Variants in NOL4L observed in about 807,000 individuals in gnomAD.
NOL4L encodes nucleolar protein 4 like, also known as nucleolar protein 4-like.
NOL4L carries 7 observed loss-of-function variants against 64.5 expected under a neutral mutation model. The observed-to-expected ratio is 0.11, with a 90% CI of 0.06 to 0.20. The LOEUF is 0.20. NOL4L is among the 10% of genes least tolerant of loss of function. NOL4L has a pLI of 1.00. For synonymous variants in NOL4L, 413 were observed against 401.0 expected (o/e 1.03, Z -0.36); for missense variants, 680 against 967.1 (o/e 0.70, Z 3.94).
chr20:32,577,102 A>G (rs1980167148), intron 1 of NOL4L, among the ~76,000 whole-genome samples: 1 of 152,222 alleles, frequency 6.6e-6, no homozygotes, highest in Admixed American at 6.5e-5. Context: ...TCTACTTCAC[A>G]GAACCCAGGG....
intron 1 of NOL4L, among the ~76,000 whole-genome samples, chr20:32,560,882 G>C (rs568798099): frequency 1.3e-5 from 2 of 152,234 alleles, no homozygotes; most frequent in Non-Finnish European, 2.9e-5. Context: ...AGCCAGCATC[G>C]GCCACAAGAA....
chr20:32,539,341 C>T (rs2018613536), intron 1 of NOL4L, among the ~76,000 whole-genome samples: 1 of 152,186 alleles, frequency 6.6e-6, no homozygotes, highest in African/African-American at 2.4e-5. Flanking sequence ...CAGCCACTTC[C>T]CTTCCCTGGA....
intron 1 of NOL4L, among the ~76,000 whole-genome samples, chr20:32,562,488 G>C (rs945921977): frequency 2.6e-5 from 4 of 152,132 alleles, no homozygotes; most frequent in Non-Finnish European, 5.9e-5. Flanking sequence ...TGCACAGGCT[G>C]TCTCCTCTAC....
At chr20:32,473,589 A>C (rs1175590760) in intron 5 of NOL4L, among the ~76,000 whole-genome samples, 3 of 152,196 alleles carry the variant, frequency 2.0e-5, no homozygotes, top group African/African-American at 7.2e-5. Flanking sequence ...ACAAAGCCGG[A>C]TTCAGGCCTT....
At chr20:32,578,155 G>GGAGT (rs1980244925) in intron 1 of NOL4L, among the ~76,000 whole-genome samples, 3 of 130,092 alleles carry the variant, frequency 2.3e-5, no homozygotes, top group African/African-American at 9.3e-5. Flanking sequence ...AGGGAGGGAG[G>GGAGT]GAGGGAGGGA....
chr20:32,581,341 G>A (rs1205792529), intron 1 of NOL4L, among the ~76,000 whole-genome samples: 1 of 152,012 alleles, frequency 6.6e-6, no homozygotes, highest in Non-Finnish European at 1.5e-5. Context: ...TCTCTGCCCT[G>A]GGCCCGTCCG....
At chr20:32,584,133 GCACACACACACACACACACACACACA>G (rs745461984) in intron 1 of NOL4L, among the ~76,000 whole-genome samples, 1 of 88,800 alleles carries the variant, frequency 1.1e-5, no homozygotes, top group African/African-American at 5.2e-5. Context: ...CTCCGCGCGC[GCACACACACACACACACACACACACA>G]CACACACACA....
Position 32,456,334 on chromosome 20 carries a change from C to G in NOL4L, c.903G>C (p.Ser301=), listed in dbSNP as rs376418117. The G allele has an allele frequency of 5.1e-5, 79 of 1,546,566 alleles. No individual in the cohort carries two copies. The highest frequency in any genetic ancestry group is 6.5e-5 in the Non-Finnish European group (74 of 1,142,930). ...AGGCAGGGTCGCCCTGCGTGCTGCT[C>G]GACGTGGATGGGTTCAGGGTGGAGG... The part of the protein sequence containing the change: ...NGSSTLNPST[S]SSTQGDPAFP... The change falls in exon 6 of 11, where the codon TCG becomes TCC. Residue 301 remains serine, a synonymous_variant. Transcript: ENST00000621426.
rs1192736555 is a variant in NOL4L at position 32,522,115 on chromosome 20, G to A, written c.478-1193C>T. ...GGGCTGGGGAGTGGAGTTGTGGGGG[G>A]ATGCAGAAGGCTTGGGGTGTCCCAG... is the stretch of plus-strand genomic sequence containing the variant. On this transcript the variant is annotated intron_variant, in intron 2 of 10. Coordinates refer to ENST00000621426, the MANE Select transcript of NOL4L (RefSeq NM_001256798.2). 2.0e-5 allele frequency among the ~76,000 whole-genome samples: 3 copies of A among 152,352 alleles called. No individual in the cohort carries two copies. The East Asian group carries it at 5.8e-4, about 29-fold the overall frequency.
intron 4 of NOL4L, among the ~76,000 whole-genome samples, chr20:32,488,304 G>T (rs373951930): frequency 6.6e-6 from 1 of 152,046 alleles, no homozygotes; most frequent in Non-Finnish European, 1.5e-5. Context: ...GACCCTCACC[G>T]CCCAGTTTCA....
intron 4 of NOL4L, among the ~76,000 whole-genome samples, chr20:32,487,163 G>A (rs1357900762): frequency 6.6e-6 from 1 of 152,162 alleles, no homozygotes; most frequent in Non-Finnish European, 1.5e-5. Flanking sequence ...AGCTACTCGG[G>A]AGGCTGGGGT....
At chr20:32,488,799 CTTT>C (rs2016257882) in intron 4 of NOL4L, among the ~76,000 whole-genome samples, 1 of 36,538 alleles carries the variant, frequency 2.7e-5, no homozygotes, top group Non-Finnish European at 4.8e-5. Context: ...TCCTTTCTTT[CTTT>C]CTTTTTCTTT....
In NOL4L at chr20:32,540,826, C is replaced by T. The variant is rs373939099; in HGVS notation, c.322-12913G>A. Among the ~76,000 whole-genome samples, 465 of 152,182 alleles carry T rather than the reference C, an allele frequency of 3.1e-3. 1 individual carries two copies. The highest frequency in any genetic ancestry group is 0.013 in the South Asian group (63 of 4,814). On this transcript the variant is annotated intron_variant, in intron 1 of 10. Coordinates refer to ENST00000621426, the MANE Select transcript of NOL4L (RefSeq NM_001256798.2). ...CAAAAGCATCCCATGCCCAGCTCCA[C>T]GCAGAACACCTGGCACACATTATCT...
At chr20:32,584,445 G>T (rs1897376228) in intron 1 of NOL4L, 125 bp downstream of exon 1, 1 of 784,084 alleles carries the variant, frequency 1.3e-6, no homozygotes, top group Non-Finnish European at 1.7e-6. Flanking sequence ...CCTCCGGCGG[G>T]CCCGACACAC....
intron 5 of NOL4L, among the ~76,000 whole-genome samples, chr20:32,466,466 G>A (rs1181690907): frequency 7.9e-5 from 12 of 152,326 alleles, no homozygotes; most frequent in Non-Finnish European, 1.6e-4. Flanking sequence ...TGCCGCCTGC[G>A]GCCCAGCTGA....
intron 4 of NOL4L, among the ~76,000 whole-genome samples, chr20:32,487,203 G>A (rs959311852): frequency 5.3e-5 from 8 of 152,176 alleles, no homozygotes; most frequent in Non-Finnish European, 8.8e-5. Flanking sequence ...AGGAAGCAGA[G>A]GTTGCAGTGA....
At chr20:32,469,691 A>G (rs1356209766) in intron 5 of NOL4L, among the ~76,000 whole-genome samples, 1 of 152,188 alleles carries the variant, frequency 6.6e-6, no homozygotes, top group Non-Finnish European at 1.5e-5. Context: ...TTTTTCTACA[A>G]TAATTGTAAT....
chr20:32,447,882 T>A, intron 10 of NOL4L, 66 bp from the exon 11 acceptor site: 3 of 1,509,126 alleles, frequency 2.0e-6, no homozygotes, highest in South Asian at 1.3e-5. Context: ...AGGTGTACCT[T>A]CCTTGGCACT....
chr20:32,547,204 G>A (rs1055382264), intron 1 of NOL4L, among the ~76,000 whole-genome samples: 18 of 152,168 alleles, frequency 1.2e-4, no homozygotes, highest in African/African-American at 3.6e-4. Context: ...AGAAAACTGC[G>A]GCCCAGAGAA....
Sources: allele counts gnomAD v4.1 joint callset (sites outside exome capture counted in the v4.1 genomes callset), GRCh38; gene constraint gnomAD v4.1.1; transcripts MANE v1.5; gene names NCBI Gene and HGNC (gene_info 2026-07-23, HGNC 2026-07-21).